The following MCTP1 variants were observed in gnomAD, a reference collection of about 807,000 sequenced individuals.
MCTP1 encodes multiple C2 and transmembrane domain-containing protein 1.
Under a neutral mutation model 120.6 loss-of-function variants are expected in MCTP1, and 69 were observed. That is an observed-to-expected ratio of 0.57 (90% confidence interval 0.47 to 0.70). The LOEUF (loss-of-function observed/expected upper bound fraction) is 0.70. MCTP1 is among the 30% of genes least tolerant of loss of function. The probability of loss-of-function intolerance (pLI) is 0.00; values close to 1 mark genes in which losing one functional copy is unlikely to be tolerated. For synonymous variants in MCTP1, 529 were observed against 493.1 expected (o/e 1.07, Z -0.96); for missense variants, 1,203 against 1,248.8 (o/e 0.96, Z 0.55).
At chr5:95,227,487 A>T (rs1754414111) in intron 1 of MCTP1, among the ~76,000 whole-genome samples, 1 of 152,244 alleles carries the variant, frequency 6.6e-6, no homozygotes, top group African/African-American at 2.4e-5. Context: ...CAGAAAAGAT[A>T]AACGGGAGAA....
At chr5:95,281,581 TC>T (rs1760320437) in intron 1 of MCTP1, among the ~76,000 whole-genome samples, 1 of 152,224 alleles carries the variant, frequency 6.6e-6, no homozygotes, top group South Asian at 2.1e-4. Context: ...ATTGGGCAAG[TC>T]CCTCAGGGTT....
chr5:95,121,122 CA>C (rs1168907002), intron 1 of MCTP1, among the ~76,000 whole-genome samples: 1 of 151,574 alleles, frequency 6.6e-6, no homozygotes, highest in Non-Finnish European at 1.5e-5. Flanking sequence ...ACTAAAAATA[CA>C]AAAAATTAGC....
chr5:94,886,542 A>G (rs1237727181), intron 12 of MCTP1, among the ~76,000 whole-genome samples: 1 of 152,238 alleles, frequency 6.6e-6, no homozygotes, highest in African/African-American at 2.4e-5. Flanking sequence ...TCTGAAATCA[A>G]CCGTGTATCT....
intron 1 of MCTP1, among the ~76,000 whole-genome samples, chr5:95,060,304 G>A (rs1461623169): frequency 6.6e-6 from 1 of 152,170 alleles, no homozygotes; most frequent in East Asian, 1.9e-4. Context: ...TAGCAGGGCT[G>A]TTCTGGCATT....
intron 1 of MCTP1, among the ~76,000 whole-genome samples, chr5:95,244,320 G>A (rs2152685085): frequency 6.6e-6 from 1 of 152,322 alleles, no homozygotes; most frequent in Admixed American, 6.5e-5. Context: ...CATCTCATTG[G>A]GACTGGTTGG....
intron 20 of MCTP1, 131 bp from the exon 21 acceptor site, chr5:94,711,058 G>C: frequency 1.5e-6 from 1 of 687,592 alleles, no homozygotes; most frequent in Non-Finnish European, 2.5e-6. Context: ...ATTGTAATAG[G>C]TTATCAGAGG....
At chr5:95,049,109 T>A (rs1745263849) in intron 1 of MCTP1, among the ~76,000 whole-genome samples, 2 of 152,268 alleles carry the variant, frequency 1.3e-5, no homozygotes, top group South Asian at 4.1e-4. Flanking sequence ...AAAGAAGAAT[T>A]ATGCTTCTGA....
chr5:94,868,557 T>C lies in MCTP1; in HGVS notation c.2317-105A>G, dbSNP rs968062856. The C allele has an allele frequency of 4.6e-5, 35 of 768,082 alleles. 1 individual carries two copies. Among genetic ancestry groups the C allele is most frequent in the Middle Eastern group, 5.6e-4 (2 of 3,592 alleles). The allele number at this position is 768,082 out of a possible 1,614,324, so 47.6% of individuals were successfully genotyped here. On this transcript the variant is annotated intron_variant, in intron 16 of 22. Coordinates refer to ENST00000515393, the MANE Select transcript of MCTP1 (RefSeq NM_024717.7). ...TGTGACTTAAAAAGGATTCAGAAAG[T>C]TAATAAAGTTACAAGAAAATACCAA...
At chr5:94,806,174 T>A (rs1312011236) in intron 17 of MCTP1, among the ~76,000 whole-genome samples, 1 of 151,972 alleles carries the variant, frequency 6.6e-6, no homozygotes, top group Non-Finnish European at 1.5e-5. Context: ...ATTCATAAGA[T>A]TTCTATTAAG....
At chr5:94,770,084 CCAAA>C (rs1172985815) in intron 19 of MCTP1, among the ~76,000 whole-genome samples, 3 of 152,098 alleles carry the variant, frequency 2.0e-5, no homozygotes, top group Non-Finnish European at 4.4e-5. Flanking sequence ...AATTTCTTTG[CCAAA>C]CAAAGTTTCA....
chr5:95,251,121 C>T (rs562752633), intron 1 of MCTP1, among the ~76,000 whole-genome samples: 10 of 152,024 alleles, frequency 6.6e-5, no homozygotes, highest in Non-Finnish European at 1.2e-4. Flanking sequence ...TATAAAACAG[C>T]AGAAGCAAGA....
intron 1 of MCTP1, among the ~76,000 whole-genome samples, chr5:95,198,245 T>C (rs1750613434): frequency 6.6e-6 from 1 of 152,160 alleles, no homozygotes; most frequent in South Asian, 2.1e-4. Context: ...TTCTCATTAC[T>C]TTATTGCTGT....
rs546073204 is a variant in MCTP1, at chr5:95,144,469, A to G, written c.721-126985T>C. On this transcript the variant is annotated intron_variant, in intron 1 of 22. Transcript: ENST00000515393. ...AGTTGCTTTTGGAGACTTAGCCATC[A>G]ATTATTTTCCAAAGCCAGTGTTAAG... 1.1e-3 allele frequency among the ~76,000 whole-genome samples: 173 copies of G among 152,206 alleles called. 3 individuals are homozygous for G. Among genetic ancestry groups the G allele is most frequent in the African/African-American group, 3.9e-3 (162 of 41,534 alleles).
At chr5:94,971,925 C>A (rs1463502133) in intron 2 of MCTP1, among the ~76,000 whole-genome samples, 1 of 152,110 alleles carries the variant, frequency 6.6e-6, no homozygotes, top group Non-Finnish European at 1.5e-5. Context: ...TGCAACAAAC[C>A]TAGCCCACCA....
intron 19 of MCTP1, among the ~76,000 whole-genome samples, chr5:94,735,975 A>C (rs1764132263): frequency 6.6e-6 from 1 of 152,228 alleles, no homozygotes; most frequent in African/African-American, 2.4e-5. Context: ...GGGTTTGGAC[A>C]GACCTTGGTT....
At chr5:94,870,822 C>G in intron 15 of MCTP1, 50 bp downstream of exon 15, 1 of 1,222,584 alleles carries the variant, frequency 8.2e-7, no homozygotes, top group South Asian at 1.2e-5. Context: ...CAAAAGCTTT[C>G]ATGAAACTGA....
intron 3 of MCTP1, among the ~76,000 whole-genome samples, chr5:94,949,695 G>A (rs1479095081): frequency 6.6e-6 from 1 of 151,824 alleles, no homozygotes; most frequent in Non-Finnish European, 1.5e-5. Flanking sequence ...GGGTACTGAT[G>A]GACTTCTTTT....
chr5:94,914,171 A>G (rs1337490007), intron 8 of MCTP1, among the ~76,000 whole-genome samples: 2 of 152,238 alleles, frequency 1.3e-5, no homozygotes, highest in Non-Finnish European at 2.9e-5. Context: ...AGCATCAAGC[A>G]GTACTGTAAA....
intron 1 of MCTP1, among the ~76,000 whole-genome samples, chr5:95,022,360 C>T (rs911039956): frequency 2.0e-5 from 3 of 152,152 alleles, no homozygotes; most frequent in Non-Finnish European, 4.4e-5. Context: ...GTATCTTCGT[C>T]CTTCACTCTT....
Sources: gnomAD v4.1 joint callset for allele counts (sites outside exome capture counted in the v4.1 genomes callset) on GRCh38, gnomAD v4.1.1 for gene constraint, MANE v1.5 for transcripts, NCBI Gene and HGNC (gene_info 2026-07-23, HGNC 2026-07-21) for gene names.